The following NCAPD2 variants were observed in gnomAD, a reference collection of about 807,000 sequenced individuals.
The protein encoded by NCAPD2 is non-SMC condensin I complex subunit D2.
Under a neutral mutation model 164.5 loss-of-function variants are expected in NCAPD2, and 100 were observed. That is an observed-to-expected ratio of 0.61 (90% CI 0.52 to 0.72). The LOEUF (loss-of-function observed/expected upper bound fraction) is 0.72, where lower values mean the gene tolerates loss of function less well. NCAPD2 is among the 30% of genes least tolerant of loss of function. The probability of loss-of-function intolerance (pLI) is 0.00; values close to 1 mark genes in which losing one functional copy is unlikely to be tolerated. For synonymous variants in NCAPD2, 585 were observed against 642.6 expected (o/e 0.91, Z 1.36); for missense variants, 1,560 against 1,749.2 (o/e 0.89, Z 1.93).
In NCAPD2 at chr12:6,522,911, C is replaced by G. The variant is rs142380498; in HGVS notation, c.2038C>G (p.Pro680Ala). Residue 680 changes from proline (P) to alanine (A), a missense_variant, in exon 16 of 32, where the codon CCT becomes GCT. Transcript: ENST00000315579. ...QALFGVRRMLPLIWSKEPGVR... is the reference protein window; with the variant it reads ...QALFGVRRMLALIWSKEPGVR... ...CCTGTTTGGGGTGCGCCGTATGCTG[C>G]CTCTCATCTGGTCTAAGGAGCCTGG... 1 of 1,614,032 alleles carries G rather than the reference C, an allele frequency of 6.2e-7. No individual in the cohort carries two copies.
intron 13 of NCAPD2, among the ~76,000 whole-genome samples, chr12:6,518,504 G>GTTTTTGTTTGTTTTTT (rs746627585): frequency 2.2e-5 from 1 of 44,774 alleles, no homozygotes; most frequent in African/African-American, 1.0e-4. Context: ...CCGTCAACAA[G>GTTTTTGTTTGTTTTTT]TTTTTTTTTT....
rs749292483 is a variant in NCAPD2, at chr12:6,514,557, G to A, written c.809G>A (p.Gly270Glu). ...AAVSLWATDY[G>E]MKSIVGEIVR... Reference sequence around the variant, plus strand: ...GTGAGTCTATGGGCAACTGACTATGGAATGAAGAGCATAGTGGGAGAGATT... The same window carrying A: ...GTGAGTCTATGGGCAACTGACTATGAAATGAAGAGCATAGTGGGAGAGATT... Residue 270 changes from glycine (G) to glutamate (E), a missense_variant, in exon 8 of 32, where the codon GGA becomes GAA. Coordinates refer to ENST00000315579, the MANE Select transcript of NCAPD2 (RefSeq NM_014865.4). 6.2e-7 allele frequency: 1 copy of A among 1,614,186 alleles called. No homozygotes were observed. The highest frequency in any genetic ancestry group is 8.5e-7 in the Non-Finnish European group (1 of 1,180,040).
intron 2 of NCAPD2, among the ~76,000 whole-genome samples, chr12:6,504,198 T>TATACATATATATATATATAC (rs1565539558): frequency 3.7e-5 from 1 of 27,244 alleles, no homozygotes; most frequent in East Asian, 1.4e-3. Flanking sequence ...TATATATATA[T>TATACATATATATATATATAC]ATATATATAT....
In NCAPD2 at chr12:6,529,665, C is replaced by A; in HGVS notation, c.3653+72C>A. On this transcript the variant is annotated intron_variant, in intron 28 of 31. Coordinates refer to ENST00000315579, the MANE Select transcript of NCAPD2 (RefSeq NM_014865.4). Reference sequence around the variant, plus strand: ...AGGGGAGAAAGGCCCATCCCTCACCCCTTCAATGCCCCCACTGTGGCATCC... The same window carrying A: ...AGGGGAGAAAGGCCCATCCCTCACCACTTCAATGCCCCCACTGTGGCATCC... 2.5e-6 allele frequency: 4 copies of A among 1,602,794 alleles called. No homozygotes were observed. In the South Asian group the frequency reaches 4.4e-5, roughly 18 times the overall value.
At chr12:6,508,523 A>G (rs917514175) in intron 2 of NCAPD2, among the ~76,000 whole-genome samples, 3 of 152,220 alleles carry the variant, frequency 2.0e-5, no homozygotes, top group African/African-American at 4.8e-5. Flanking sequence ...ATAAAGGGAA[A>G]GGGACAGCTA....
intron 2 of NCAPD2, 68 bp downstream of exon 2, chr12:6,495,293 T>G: frequency 6.4e-7 from 1 of 1,568,318 alleles, no homozygotes; most frequent in South Asian, 1.1e-5. Context: ...ATTGCTACAT[T>G]GTCATTTCTG....
chr12:6,527,664 A>G, intron 22 of NCAPD2, 113 bp from the exon 23 acceptor site: 2 of 895,884 alleles, frequency 2.2e-6, no homozygotes, highest in Non-Finnish European at 3.5e-6. Context: ...CAATTCTCTA[A>G]ATGTTTTTGT....
In NCAPD2 at chr12:6,516,937, T is replaced by G; in HGVS notation, c.1097T>G (p.Leu366Trp). 1 of 1,614,160 alleles carries G rather than the reference T, an allele frequency of 6.2e-7. No individual in the cohort carries two copies. The highest frequency in any genetic ancestry group is 8.5e-7 in the Non-Finnish European group (1 of 1,180,014). Reference sequence around the variant, plus strand: ...GCCCGAGACACCAGAGACCAGTTCTTGGATACTTTACAAGCCCATGGCCAT... The same window carrying G: ...GCCCGAGACACCAGAGACCAGTTCTGGGATACTTTACAAGCCCATGGCCAT... ...AAARDTRDQF[L>W]DTLQAHGHDV... Residue 366 changes from leucine (L) to tryptophan (W), a missense_variant, in exon 10 of 32, where the codon TTG becomes TGG. Coordinates refer to ENST00000315579, the MANE Select transcript of NCAPD2 (RefSeq NM_014865.4).
chr12:6,528,222 A>G lies in NCAPD2; in HGVS notation c.3193A>G (p.Lys1065Glu), dbSNP rs376901782. ...TCGTCTTCTGTTCACCATGCTGGAA[A>G]AGTCTCCACTTCCCATTGTCCGGTC... ...QLRLLFTMLE[K>E]SPLPIVRSNL... The change falls in exon 25 of 32, where the codon AAG becomes GAG. Residue 1065 changes from lysine to glutamate, a missense_variant. Coordinates refer to ENST00000315579, the MANE Select transcript of NCAPD2 (RefSeq NM_014865.4). This position sits in a 1 kb window ranked among gnomAD's most constrained non-coding sequence, Gnocchi z 5.1. The G allele has an allele frequency of 6.2e-7, 1 of 1,614,062 alleles. No homozygotes were observed. The highest frequency in any genetic ancestry group is 8.5e-7 in the Non-Finnish European group (1 of 1,180,024).
Position 6,517,011 on chromosome 12 carries a change from A to G in NCAPD2, c.1171A>G (p.Ile391Val). The G allele has an allele frequency of 3.1e-6, 5 of 1,614,138 alleles. No homozygotes were observed. The East Asian group carries it at 1.1e-4, about 36-fold the overall frequency. The change falls in exon 10 of 32, where the codon ATT becomes GTT. Residue 391 changes from isoleucine (I) to valine (V), a missense_variant. By Grantham distance (29) the Ile-to-Val change is conservative. Transcript: ENST00000315579. ...CCGTGTTTTGCAGCTCTTCACCCGA[A>G]TTGTCCAGCAGAAGGTAACCAACTT... Reference protein sequence around the residue: ...RSRVLQLFTRIVQQKALPLTR... With the variant: ...RSRVLQLFTRVVQQKALPLTR...
intron 2 of NCAPD2, among the ~76,000 whole-genome samples, chr12:6,499,265 G>A (rs1946012158): frequency 6.6e-6 from 1 of 151,952 alleles, no homozygotes; most frequent in African/African-American, 2.4e-5. Flanking sequence ...AGGCTGGAGT[G>A]CAGTGGCTCA....
In NCAPD2 at chr12:6,526,053, G is replaced by A; in HGVS notation, c.2349-15G>A. 6.2e-7 allele frequency: 1 copy of A among 1,612,890 alleles called. No individual in the cohort carries two copies. Among genetic ancestry groups the A allele is most frequent in the Non-Finnish European group, 8.5e-7 (1 of 1,179,828 alleles). On this transcript the variant is annotated splice_polypyrimidine_tract_variant and intron_variant, in intron 18 of 31. Transcript: ENST00000315579. The stretch of plus-strand genomic sequence containing the variant: ...ATCCATGACTGCCTTTAACTCTGTG[G>A]CTTCCTTCCCCTAGAGGAAAGCCAG...
At position 6,511,259 on chromosome 12, in the gene NCAPD2, A is replaced by G. The variant is rs1946143894; in HGVS notation, c.587+7A>G. On this transcript the variant is annotated splice_region_variant and intron_variant, in intron 6 of 31. Coordinates refer to ENST00000315579, the MANE Select transcript of NCAPD2 (RefSeq NM_014865.4). ...TTGAAGAAGAATTTGTCAGGTGGGT[A>G]GGGAGGATGGCTACAGATAATACTG... 1 of 1,613,988 alleles carries G rather than the reference A, an allele frequency of 6.2e-7. No homozygotes were observed.
At chr12:6,519,381 C>T (rs886114142) in intron 13 of NCAPD2, among the ~76,000 whole-genome samples, 4 of 152,200 alleles carry the variant, frequency 2.6e-5, no homozygotes, top group African/African-American at 9.7e-5. Context: ...GACAGAATCT[C>T]ACTGTTGCCC....
Position 6,528,712 on chromosome 12 carries a change from A to G in NCAPD2, c.3333A>G (p.Thr1111=), listed in dbSNP as rs1394455076. The part of the protein sequence containing the change: ...LRDPAQQVRK[T]AGLVMTHLIL... Reference sequence around the variant, plus strand: ...ACCCTGCTCAGCAAGTGCGGAAAACAGCGGGGCTGGTGATGACCCACCTGA... The same window carrying G: ...ACCCTGCTCAGCAAGTGCGGAAAACGGCGGGGCTGGTGATGACCCACCTGA... The change falls in exon 26 of 32, where the codon ACA becomes ACG. Residue 1111 remains threonine (T), a synonymous_variant. Coordinates refer to ENST00000315579, the MANE Select transcript of NCAPD2 (RefSeq NM_014865.4). This position sits in a 1 kb window ranked among gnomAD's most constrained non-coding sequence, Gnocchi z 5.1. 1 of 1,613,878 alleles carries G rather than the reference A, an allele frequency of 6.2e-7. No individual in the cohort carries two copies. Among genetic ancestry groups the G allele is most frequent in the South Asian group, 1.1e-5 (1 of 91,084 alleles).
intron 6 of NCAPD2, 42 bp from the exon 7 acceptor site, chr12:6,514,223 T>G (rs4764605): frequency 6.2e-7 from 1 of 1,612,626 alleles, no homozygotes; most frequent in African/African-American, 1.3e-5. Flanking sequence ...ACAATTGGAT[T>G]CAGACAGCTG....
chr12:6,515,045 T>C, intron 9 of NCAPD2, 125 bp downstream of exon 9: 1 of 1,059,462 alleles, frequency 9.4e-7, no homozygotes, highest in Non-Finnish European at 1.4e-6. Context: ...ATTGTGACAT[T>C]TCCTTTCTGT....
chr12:6,526,331 A>T lies in NCAPD2; in HGVS notation c.2526A>T (p.Glu842Asp), dbSNP rs375096381. Residue 842 changes from glutamate (E) to aspartate (D), a missense_variant, in exon 20 of 32, where the codon GAA becomes GAT. By Grantham distance (45) the Glu-to-Asp change is conservative. Coordinates refer to ENST00000315579, the MANE Select transcript of NCAPD2 (RefSeq NM_014865.4). ...ACCCCCCCTTCCGGCTGCCTCAGGA[A>T]CACAGGTTGTTTGAGCGACTGCGGG... Reference protein sequence around the residue: ...KRHPPFRLPQEHRLFERLRET... With the variant: ...KRHPPFRLPQDHRLFERLRET... 4.8e-5 allele frequency: 77 copies of T among 1,614,032 alleles called. No homozygotes were observed. The Middle Eastern group carries it at 1.5e-3, about 31-fold the overall frequency.
In NCAPD2 at chr12:6,528,160, T is replaced by C. The variant is rs750351021; in HGVS notation, c.3144-13T>C. The C allele has an allele frequency of 5.6e-6, 9 of 1,614,232 alleles. No homozygotes were observed. Among genetic ancestry groups the C allele is most frequent in the Non-Finnish European group, 6.8e-6 (8 of 1,180,028 alleles). On this transcript the variant is annotated splice_polypyrimidine_tract_variant and intron_variant, in intron 24 of 31. Transcript: ENST00000315579. The surrounding 1 kb of genome is among the most constrained non-coding windows in gnomAD (Gnocchi z 5.1). Reference sequence around the variant, plus strand: ...TGAAATGGCTTCCCTAATGATCCTCTTCTTGCTCTTAGTGCCACTTTCTGC... The same window carrying C: ...TGAAATGGCTTCCCTAATGATCCTCCTCTTGCTCTTAGTGCCACTTTCTGC...
Sources: gnomAD v4.1 joint callset for allele counts (sites outside exome capture counted in the v4.1 genomes callset) on GRCh38, gnomAD v4.1.1 for gene constraint, Gnocchi (gnomAD v3.1) non-coding constraint, MANE v1.5 for transcripts, NCBI Gene and HGNC (gene_info 2026-07-23, HGNC 2026-07-21) for gene names.